The following ANKS4B variants were observed in gnomAD, a reference collection of about 807,000 sequenced individuals.
ANKS4B encodes the protein ankyrin repeat and sterile alpha motif domain containing 4B, also known as ankyrin repeat and SAM domain-containing protein 4B.
In ANKS4B, 21 loss-of-function variants were observed where a neutral mutation model predicts 20.2. The observed-to-expected ratio is 1.04, with a 90% CI of 0.74 to 1.50. ANKS4B has a LOEUF of 1.50. Among genes scored for constraint, ANKS4B ranks in the 40% most tolerant of loss-of-function variants. The probability of loss-of-function intolerance (pLI) is 0.00; values close to 1 mark genes in which losing one functional copy is unlikely to be tolerated. For synonymous variants in ANKS4B, 179 were observed against 194.5 expected (o/e 0.92, Z 0.66); for missense variants, 473 against 494.6 (o/e 0.96, Z 0.41).
rs757661618 is a variant in ANKS4B, at chr16:21,250,511, A to T, written c.945A>T (p.Ala315=). ...GAGCATCAGAGGCTGATGAGGGTGCAGCTGATGAAGAGGGAGAGGAAAACG... is the reference window on the plus strand; with the variant it reads ...GAGCATCAGAGGCTGATGAGGGTGCTGCTGATGAAGAGGGAGAGGAAAACG... ...RQGASEADEG[A]ADEEGEENGL... is the part of the protein sequence containing the mutation. Residue 315 remains alanine, a synonymous_variant, in exon 2 of 2, where the codon GCA becomes GCT. Transcript: ENST00000311620. 3 of 1,614,214 alleles carry T rather than the reference A, an allele frequency of 1.9e-6. No individual in the cohort carries two copies. The Admixed American group carries it at 5.0e-5, about 27-fold the overall frequency.
At chr16:21,246,854 G>A (rs1259730116) in intron 1 of ANKS4B, among the ~76,000 whole-genome samples, 3 of 152,190 alleles carry the variant, frequency 2.0e-5, no homozygotes, top group African/African-American at 7.2e-5. Context: ...ATGTGAAAGT[G>A]CTTCTTTGTA....
At chr16:21,245,684 C>G (rs1185219982) in intron 1 of ANKS4B, among the ~76,000 whole-genome samples, 2 of 152,096 alleles carry the variant, frequency 1.3e-5, no homozygotes, top group Admixed American at 6.5e-5. Flanking sequence ...AGGCTGGTCT[C>G]AAACTCCTGG....
At chr16:21,236,417 C>T (rs933865847) in intron 1 of ANKS4B, among the ~76,000 whole-genome samples, 3 of 152,162 alleles carry the variant, frequency 2.0e-5, no homozygotes, top group African/African-American at 4.8e-5. Context: ...TGAGTTTGTC[C>T]TCCTAGAAGA....
At chr16:21,242,445 C>T (rs1415532656) in intron 1 of ANKS4B, among the ~76,000 whole-genome samples, 3 of 152,190 alleles carry the variant, frequency 2.0e-5, no homozygotes, top group Non-Finnish European at 2.9e-5. Flanking sequence ...CTCAGCCTCC[C>T]GAAGTGCTGG....
At chr16:21,247,388 G>A (rs1265301990) in intron 1 of ANKS4B, among the ~76,000 whole-genome samples, 2 of 152,178 alleles carry the variant, frequency 1.3e-5, no homozygotes, top group East Asian at 3.9e-4. Flanking sequence ...TGATGCATCT[G>A]CTTCTGGTCT....
chr16:21,251,229 C>CTTTTTT lies in ANKS4B; in HGVS notation c.*409_*410insTTTTTT. On this transcript the variant is annotated 3_prime_UTR_variant, in exon 2 of 2. Transcript: ENST00000311620. ...ATGATCTCCTCCCACCTCAGCCTCC[C>CTTTTTT]AAGTAGCTGAGACTACAGGTTCACA... 2.5e-5 allele frequency: 4 copies of CTTTTTT among 162,796 alleles called. No individual in the cohort carries two copies. The highest frequency in any genetic ancestry group is 5.7e-5 in the Admixed American group (1 of 17,636). The allele number at this position is 162,796 out of a possible 1,614,324, so 10.1% of individuals were successfully genotyped here.
chr16:21,237,222 T>C lies in ANKS4B; in HGVS notation c.164+3321T>C, dbSNP rs575922979. On this transcript the variant is annotated intron_variant, in intron 1 of 1. Transcript: ENST00000311620. ...TTTTAGTAGGGACAGGGTTTCACCA[T>C]GTTGGCCAGGCTGGTCTCGAACTCC... Among the ~76,000 whole-genome samples the C allele has an allele frequency of 5.5e-4, 83 of 152,260 alleles. 1 individual carries two copies. The highest frequency in any genetic ancestry group is 1.9e-3 in the African/African-American group (81 of 41,572).
At chr16:21,244,921 C>T (rs957588655) in intron 1 of ANKS4B, among the ~76,000 whole-genome samples, 1 of 152,112 alleles carries the variant, frequency 6.6e-6, no homozygotes. Context: ...CCCCTTACCC[C>T]CAACTCCACA....
intron 1 of ANKS4B, among the ~76,000 whole-genome samples, chr16:21,245,729 T>C (rs977976880): frequency 6.6e-6 from 1 of 152,124 alleles, no homozygotes; most frequent in Non-Finnish European, 1.5e-5. Flanking sequence ...CCTCCCAAAG[T>C]GCTGGGATTA....
At chr16:21,245,836 T>C (rs1280897329) in intron 1 of ANKS4B, among the ~76,000 whole-genome samples, 1 of 152,146 alleles carries the variant, frequency 6.6e-6, no homozygotes, top group Non-Finnish European at 1.5e-5. Context: ...CAAGGAAAAA[T>C]AAATACATGA....
chr16:21,245,401 G>A (rs1472844081), intron 1 of ANKS4B, among the ~76,000 whole-genome samples: 1 of 152,110 alleles, frequency 6.6e-6, no homozygotes, highest in Admixed American at 6.5e-5. Flanking sequence ...TGCCCTCTGG[G>A]GCATATTATC....
intron 1 of ANKS4B, among the ~76,000 whole-genome samples, chr16:21,234,974 G>A (rs979722319): frequency 6.6e-6 from 1 of 152,086 alleles, no homozygotes; most frequent in African/African-American, 2.4e-5. Context: ...TGAGCCTCCC[G>A]AGTAGCTGGG....
chr16:21,249,883 C>G lies in ANKS4B; in HGVS notation c.317C>G (p.Ala106Gly). ...TTACAGACTCCACTGGATGCTGCTG[C>G]CAGCAGGGAGCAGAATGAATGTGTT... ...NDLQTPLDAA[A>G]SREQNECVAL... The change falls in exon 2 of 2, where the codon GCC becomes GGC. Residue 106 changes from alanine (A) to glycine (G), a missense_variant. By Grantham distance (60) the Ala-to-Gly change is moderately conservative (BLOSUM62 0). Transcript: ENST00000311620. The G allele has an allele frequency of 1.2e-6, 2 of 1,614,138 alleles. No homozygotes were observed. The highest frequency in any genetic ancestry group is 1.7e-6 in the Non-Finnish European group (2 of 1,180,030).
intron 1 of ANKS4B, among the ~76,000 whole-genome samples, chr16:21,237,953 G>A (rs2093322180): frequency 6.6e-6 from 1 of 152,160 alleles, no homozygotes; most frequent in South Asian, 2.1e-4. Flanking sequence ...CTTGAGGCCA[G>A]GAGTTCGAGG....
chr16:21,234,330 A>T (rs923505542), intron 1 of ANKS4B, among the ~76,000 whole-genome samples: 3 of 152,030 alleles, frequency 2.0e-5, no homozygotes, highest in African/African-American at 7.2e-5. Context: ...AAAATCTCAC[A>T]GTCTTTTATT....
rs563574430 is a variant in ANKS4B at position 21,243,634 on chromosome 16, T to C, written c.165-6097T>C. On this transcript the variant is annotated intron_variant, in intron 1 of 1. Coordinates refer to ENST00000311620, the MANE Select transcript of ANKS4B (RefSeq NM_145865.3). ...TTGCCTGGGCTGGAGTGCAGTGGTG[T>C]GATCTCAGCTCACTGCAAGCTCCGC... 3.0e-4 allele frequency among the ~76,000 whole-genome samples: 46 copies of C among 152,214 alleles called. 2 individuals carry two copies. The South Asian group carries it at 8.5e-3, about 28-fold the overall frequency.
At chr16:21,236,913 A>G (rs1414609912) in intron 1 of ANKS4B, among the ~76,000 whole-genome samples, 1 of 152,220 alleles carries the variant, frequency 6.6e-6, no homozygotes, top group East Asian at 1.9e-4. Context: ...GTAGGACTCT[A>G]GTCAACAAAT....
At chr16:21,246,828 T>A (rs2093332912) in intron 1 of ANKS4B, among the ~76,000 whole-genome samples, 1 of 152,196 alleles carries the variant, frequency 6.6e-6, no homozygotes, top group Non-Finnish European at 1.5e-5. Flanking sequence ...GAGATTGTGA[T>A]GGTTGAAGGC....
chr16:21,237,457 C>T (rs1311402537), intron 1 of ANKS4B, among the ~76,000 whole-genome samples: 1 of 152,136 alleles, frequency 6.6e-6, no homozygotes, highest in Admixed American at 6.5e-5. Flanking sequence ...TCTTACAGCT[C>T]TGGCAGCAGA....
Sources: allele counts gnomAD v4.1 joint callset (sites outside exome capture counted in the v4.1 genomes callset), GRCh38; gene constraint gnomAD v4.1.1; transcripts MANE v1.5; gene names NCBI Gene and HGNC (gene_info 2026-07-23, HGNC 2026-07-21).